FAM3D: variants seen among roughly 807,000 people sequenced by gnomAD.
FAM3D encodes FAM3 metabolism regulating signaling molecule D, also known as protein FAM3D.
In FAM3D, 26 loss-of-function variants were observed where a neutral mutation model predicts 29.8. The ratio of observed to expected loss-of-function variants is 0.87; its 90% CI spans 0.64 to 1.21. FAM3D has a LOEUF of 1.21. Ranked by LOEUF, FAM3D falls within the 50% of genes most tolerant of loss-of-function variation. FAM3D has a pLI of 0.00. For missense variants in FAM3D, 253 were observed against 290.9 expected (o/e 0.87, Z 0.95); for synonymous variants, 115 against 102.3 (o/e 1.12, Z -0.75).
At chr3:58,662,668 T>C (rs2066954075) in intron 1 of FAM3D, among the ~76,000 whole-genome samples, 1 of 152,104 alleles carries the variant, frequency 6.6e-6, no homozygotes, top group Non-Finnish European at 1.5e-5. Context: ...GTAGGGGCAG[T>C]TGGAGTTGGG....
At chr3:58,651,403 C>T (rs551130861) in intron 3 of FAM3D, among the ~76,000 whole-genome samples, 5 of 152,256 alleles carry the variant, frequency 3.3e-5, no homozygotes, top group South Asian at 4.1e-4. Flanking sequence ...TTTTACTGGC[C>T]ATCTTTCCCA....
At chr3:58,657,899 T>A (rs1366942019) in intron 1 of FAM3D, 3 of 152,218 alleles carry the variant, frequency 2.0e-5, no homozygotes, top group Admixed American at 1.3e-4. Context: ...AACCTGTTAT[T>A]CAGGTTACAA....
intron 2 of FAM3D, among the ~76,000 whole-genome samples, 184 bp downstream of exon 2, chr3:58,655,367 C>T (rs2066763765): frequency 6.6e-6 from 1 of 152,200 alleles, no homozygotes. Flanking sequence ...GCAAAAGTTC[C>T]TCATGCCTTT....
chr3:58,639,973 A>G lies in FAM3D; in HGVS notation c.373+154T>C, dbSNP rs117127065. 6.7e-4 allele frequency among the ~76,000 whole-genome samples: 102 copies of G among 152,186 alleles called. 1 individual carries two copies. In the East Asian group the frequency reaches 0.02, roughly 29 times the overall value. On this transcript the variant is annotated intron_variant, in intron 7 of 9. Coordinates refer to ENST00000358781, the MANE Select transcript of FAM3D (RefSeq NM_138805.3). ...CAGAAGGAGTTTCGAAAGCAGCAGG[A>G]CACCCTCAACCCCCCACCGCACCTC...
chr3:58,653,742 G>C lies in FAM3D; in HGVS notation c.53C>G (p.Thr18Arg), dbSNP rs547933815. ...GTAGCTTCGAATAAACATCCATGTC[G>C]TGACTATGGCAAAGATGAGGGCCAG... is the stretch of plus-strand genomic sequence containing the variant. ...RLLALIFAIV[T>R]TWMFIRSYMS... The change falls in exon 3 of 10, where the codon ACG (threonine) becomes AGG (arginine). Residue 18 changes from threonine to arginine, a missense_variant. Physicochemically the swap from Thr to Arg is moderately conservative, Grantham distance 71 (BLOSUM62 -1). Transcript: ENST00000358781. The C allele has an allele frequency of 6.2e-7, 1 of 1,614,068 alleles. No homozygotes were observed. The highest frequency in any genetic ancestry group is 1.7e-4 in the Middle Eastern group (1 of 6,036).
chr3:58,650,878 C>T (rs557695098), intron 3 of FAM3D, among the ~76,000 whole-genome samples: 2 of 152,238 alleles, frequency 1.3e-5, no homozygotes, highest in East Asian at 1.9e-4. Flanking sequence ...CCACCACGCC[C>T]GGCTAATTTT....
chr3:58,653,525 G>A, intron 3 of FAM3D, 149 bp downstream of exon 3: 1 of 755,160 alleles, frequency 1.3e-6, no homozygotes, highest in Non-Finnish European at 2.3e-6. Context: ...GGTAGTCTGG[G>A]GGTGCCCCCT....
chr3:58,637,764 A>G (rs2066215905), intron 7 of FAM3D, among the ~76,000 whole-genome samples: 1 of 152,140 alleles, frequency 6.6e-6, no homozygotes, highest in African/African-American at 2.4e-5. Context: ...TGTGTCTTTA[A>G]TGCCTCCCTA....
intron 4 of FAM3D, among the ~76,000 whole-genome samples, chr3:58,646,467 G>C (rs1308398871): frequency 6.6e-6 from 1 of 152,238 alleles, no homozygotes; most frequent in Admixed American, 6.5e-5. Flanking sequence ...GAGCGGCTGA[G>C]CCCTCAACGT....
At position 58,634,068 on chromosome 3, in the gene FAM3D, A is replaced by T; in HGVS notation, c.*211T>A. On this transcript the variant is annotated 3_prime_UTR_variant, in exon 10 of 10. Transcript: ENST00000358781. The surrounding 1 kb of genome is among the most constrained non-coding windows in gnomAD (Gnocchi z 4.6). ...ATTCTCTCCACAGACAGCTGGTTCC[A>T]GAAGGACCCTCTGAGGCTGGTCTTC... The T allele has an allele frequency of 1.9e-6, 1 of 520,238 alleles. No individual in the cohort carries two copies. The highest frequency in any genetic ancestry group is 2.8e-5 in the South Asian group (1 of 36,302). The allele number at this position is 520,238 out of a possible 1,614,324, so 32.2% of individuals were successfully genotyped here.
At chr3:58,658,957 G>C (rs2066879050) in intron 1 of FAM3D, among the ~76,000 whole-genome samples, 1 of 152,158 alleles carries the variant, frequency 6.6e-6, no homozygotes, top group South Asian at 2.1e-4. Flanking sequence ...ATGTGATCTT[G>C]GTCTTAAAAG....
chr3:58,639,044 T>C (rs1473734143), intron 7 of FAM3D, among the ~76,000 whole-genome samples: 1 of 152,240 alleles, frequency 6.6e-6, no homozygotes, highest in Non-Finnish European at 1.5e-5. Context: ...TTGCTCACAA[T>C]GCTTCTGTTT....
rs1262174593 is a variant in FAM3D, at chr3:58,636,287, A to C, written c.585+7T>G. 1 of 1,613,482 alleles carries C rather than the reference A, an allele frequency of 6.2e-7. No homozygotes were observed. Among genetic ancestry groups the C allele is most frequent in the South Asian group, 1.1e-5 (1 of 91,032 alleles). ...TTCATAGGGCCGGGTTGTGGCCCAG[A>C]ACCCACCTGCTCAAAGGGGCTTTTA... On this transcript the variant is annotated splice_region_variant and intron_variant, in intron 9 of 9. Coordinates refer to ENST00000358781, the MANE Select transcript of FAM3D (RefSeq NM_138805.3).
Position 58,645,490 on chromosome 3 carries a change from T to C in FAM3D, c.263+19A>G, listed in dbSNP as rs2066450030. 5 of 1,241,612 alleles carry C rather than the reference T, an allele frequency of 4.0e-6. No individual in the cohort carries two copies. The highest frequency in any genetic ancestry group is 4.7e-5 in the East Asian group (2 of 42,546). 76.9% of individuals were successfully genotyped at this position (1,241,612 alleles called of 1,614,324 possible). A position where few individuals can be genotyped will look rare whatever the true frequency, so the allele number is the denominator to read the frequency against. On this transcript the variant is annotated intron_variant, in intron 5 of 9. Coordinates refer to ENST00000358781, the MANE Select transcript of FAM3D (RefSeq NM_138805.3). ...ATAAAATAAAATAAAATAAACATAG[T>C]TGTGTCTTAGGTACTTACATGCGGT...
chr3:58,640,920 C>T (rs2106751297), intron 6 of FAM3D, among the ~76,000 whole-genome samples: 1 of 152,322 alleles, frequency 6.6e-6, no homozygotes, highest in South Asian at 2.1e-4. Flanking sequence ...CCAGGATTCT[C>T]GGGAGCCACG....
intron 3 of FAM3D, among the ~76,000 whole-genome samples, chr3:58,652,701 C>T (rs1459058543): frequency 6.6e-6 from 1 of 152,102 alleles, no homozygotes; most frequent in Non-Finnish European, 1.5e-5. Context: ...CACCCACTCA[C>T]TCATCCATTC....
At chr3:58,660,867 G>T (rs2066916509) in intron 1 of FAM3D, among the ~76,000 whole-genome samples, 1 of 152,204 alleles carries the variant, frequency 6.6e-6, no homozygotes, top group Non-Finnish European at 1.5e-5. Flanking sequence ...AAGGGAAACT[G>T]AGGCACGGCG....
intron 1 of FAM3D, among the ~76,000 whole-genome samples, chr3:58,665,377 T>C (rs2067010268): frequency 6.6e-6 from 1 of 151,876 alleles, no homozygotes; most frequent in South Asian, 2.1e-4. Context: ...CCCAATCTTT[T>C]CCTCCCCTGC....
chr3:58,639,740 A>G (rs560018960), intron 7 of FAM3D, among the ~76,000 whole-genome samples: 4 of 152,278 alleles, frequency 2.6e-5, no homozygotes, highest in African/African-American at 9.6e-5. Flanking sequence ...TGCAGACTCC[A>G]GGTCAGCACA....
Sources: allele counts gnomAD v4.1 joint callset (sites outside exome capture counted in the v4.1 genomes callset), GRCh38; gene constraint gnomAD v4.1.1; non-coding constraint Gnocchi (gnomAD v3.1); transcripts MANE v1.5; gene names NCBI Gene and HGNC (gene_info 2026-07-23, HGNC 2026-07-21).